Variants in PLEC observed in about 807,000 individuals in gnomAD.
PLEC encodes hemidesmosomal protein 1.
Under a neutral mutation model 392.8 loss-of-function variants are expected in PLEC, and 216 were observed. That is an observed-to-expected ratio of 0.55 (90% confidence interval 0.49 to 0.62). The LOEUF is 0.62. Ranked by LOEUF, PLEC falls within the 20% of genes least tolerant of loss-of-function variation. The pLI is 0.00. For missense variants in PLEC, 6,863 were observed against 6,563.4 expected, an observed-to-expected ratio of 1.05 and a Z score of -1.58; for synonymous variants, 3,621 against 2,980.6, an observed-to-expected ratio of 1.21 and a Z score of -7.00.
At chr8:143,928,668 G>A (rs1273770752) in intron 25 of PLEC, among the ~76,000 whole-genome samples, 2 of 151,956 alleles carry the variant, frequency 1.3e-5, no homozygotes, top group Non-Finnish European at 2.9e-5. Flanking sequence ...AGTAGACAGC[G>A]GGTGGACCTG....
upstream of PLEC, among the ~76,000 whole-genome samples, chr8:143,976,234 C>A (rs1833657689): frequency 6.6e-6 from 1 of 152,196 alleles, no homozygotes; most frequent in Non-Finnish European, 1.5e-5. Context: ...CGCACGCATA[C>A]CCACGCGCGC....
chr8:143,924,838 C>T lies in PLEC; in HGVS notation c.5091G>A (p.Gln1697=), dbSNP rs1554699248. ...GCGCGGTGCCTTCCGCCAGCTGCCG[C>T]TGCTTCTCCAGCTCTTGTTCAGCCA... ...RELAEQELEK[Q]RQLAEGTAQQ... is the part of the protein sequence containing the mutation. The change falls in exon 31 of 32, where the codon CAG becomes CAA. Residue 1697 remains glutamine, a synonymous_variant. Transcript: ENST00000345136. 6.3e-7 allele frequency: 1 copy of T among 1,576,028 alleles called. No homozygotes were observed. The highest frequency in any genetic ancestry group is 8.6e-7 in the Non-Finnish European group (1 of 1,169,104).
Position 143,921,880 on chromosome 8 carries a change from A to G in PLEC, c.7941T>C (p.Asp2647=). The part of the protein sequence containing the change: ...AAEAEPEHSF[D]GLRRKVSAQR... ...GAGCTGACACCTTCCGCCGCAGGCCATCGAAGCTGTGCTCCGGCTCTGCCT... is the reference window on the plus strand; with the variant it reads ...GAGCTGACACCTTCCGCCGCAGGCCGTCGAAGCTGTGCTCCGGCTCTGCCT... Residue 2647 remains aspartate, a synonymous_variant, in exon 32 of 32, where the codon GAT becomes GAC. Coordinates refer to ENST00000345136, the MANE Select transcript of PLEC (RefSeq NM_201384.3). 1 of 1,601,556 alleles carries G rather than the reference A, an allele frequency of 6.2e-7. No individual in the cohort carries two copies. The highest frequency in any genetic ancestry group is 2.2e-5 in the East Asian group (1 of 44,866).
intron 13 of PLEC, 31 bp downstream of exon 13, chr8:143,933,166 T>A: frequency 6.7e-7 from 1 of 1,503,692 alleles, no homozygotes. Flanking sequence ...CGTGTGTACC[T>A]GGGCTTCAGG....
Position 143,935,268 on chromosome 8 carries a change from C to T in PLEC, c.648G>A (p.Leu216=), listed in dbSNP as rs782723982. ...DMNKVYRQTN[L]ENLDQAFSVA... ...CAGAGAAGGCCTGGTCCAGGTTCTC[C>T]AGGTTGGTCTGCCGGTACACCTTGT... The change falls in exon 7 of 32, where the codon CTG becomes CTA. Residue 216 remains leucine (L), a synonymous_variant. Coordinates refer to ENST00000345136, the MANE Select transcript of PLEC (RefSeq NM_201384.3). The T allele has an allele frequency of 1.6e-5, 25 of 1,611,080 alleles. No homozygotes were observed. Among genetic ancestry groups the T allele is most frequent in the Non-Finnish European group, 1.9e-5 (23 of 1,179,958 alleles).
chr8:143,938,538 G>A (rs1193279311), intron 2 of PLEC, 93 bp downstream of exon 2: 22 of 1,543,852 alleles, frequency 1.4e-5, no homozygotes, highest in Non-Finnish European at 1.9e-5. Flanking sequence ...CACACAGGCA[G>A]CATGGGGACA....
chr8:143,946,518 G>A (rs923004991), intron 1 of PLEC: 1 of 605,764 alleles, frequency 1.7e-6, no homozygotes, highest in Non-Finnish European at 2.6e-6. Context: ...CCTCCTCGCA[G>A]CCACCCCTTA....
chr8:143,924,208 C>T lies in PLEC; in HGVS notation c.5721G>A (p.Glu1907=). Residue 1907 remains glutamate (E), a synonymous_variant, in exon 31 of 32, where the codon GAG becomes GAA. Coordinates refer to ENST00000345136, the MANE Select transcript of PLEC (RefSeq NM_201384.3). ...QLRKASDSEL[E]RQKGLVEDTL... ...TGTCCTCCACCAGCCCCTTCTGCCGCTCCAGCTCGCTGTCCGATGCCTTGC... is the reference window on the plus strand; with the variant it reads ...TGTCCTCCACCAGCCCCTTCTGCCGTTCCAGCTCGCTGTCCGATGCCTTGC... The T allele has an allele frequency of 1.3e-6, 2 of 1,598,992 alleles. No homozygotes were observed. Among genetic ancestry groups the T allele is most frequent in the South Asian group, 1.1e-5 (1 of 91,076 alleles).
Position 143,921,060 on chromosome 8 carries a change from T to C in PLEC, c.8761A>G (p.Thr2921Ala), listed in dbSNP as rs1035175845. The C allele has an allele frequency of 6.2e-7, 1 of 1,612,136 alleles. No homozygotes were observed. The highest frequency in any genetic ancestry group is 8.5e-7 in the Non-Finnish European group (1 of 1,180,014). The change falls in exon 32 of 32, where the codon ACG becomes GCG. Residue 2921 changes from threonine (T) to alanine (A), a missense_variant. Transcript: ENST00000345136. ...TTGATGATCTCCCAAATGGTCACCGTCTTGCCCTGGAACTTGCCGAACGGC... is the reference window on the plus strand; with the variant it reads ...TTGATGATCTCCCAAATGGTCACCGCCTTGCCCTGGAACTTGCCGAACGGC... The part of the protein sequence containing the change: ...SAPFGKFQGK[T>A]VTIWEIINSE...
chr8:143,917,687 G>A lies in PLEC; in HGVS notation c.12134C>T (p.Ala4045Val), dbSNP rs782005939. 5 of 1,613,586 alleles carry A rather than the reference G, an allele frequency of 3.1e-6. No homozygotes were observed. The highest frequency in any genetic ancestry group is 2.2e-5 in the East Asian group (1 of 44,876). The stretch of plus-strand genomic sequence containing the variant: ...GATGATGCCGCCCGTGGCGATCTGG[G>A]CCTCCAGCAGGCGGATGCCATGGTC... ...LKDHGIRLLE[A>V]QIATGGIIDP... The change falls in exon 32 of 32, where the codon GCC becomes GTC. Residue 4045 changes from alanine (A) to valine (V), a missense_variant. Physicochemically the swap from Ala to Val is moderately conservative, Grantham distance 64. Transcript: ENST00000345136.
chr8:143,916,587 G>T lies in PLEC; in HGVS notation c.13234C>A (p.Leu4412Met). 1 of 1,611,402 alleles carries T rather than the reference G, an allele frequency of 6.2e-7. No homozygotes were observed. The highest frequency in any genetic ancestry group is 1.1e-5 in the South Asian group (1 of 91,050). ...CGGGCGTCCACCGTGCCGCGCTGCAGGGCCTCGTCCAGGGGCACGCGGCCC... is the reference window on the plus strand; with the variant it reads ...CGGGCGTCCACCGTGCCGCGCTGCATGGCCTCGTCCAGGGGCACGCGGCCC... ...TPGRVPLDEALQRGTVDARTA... is the reference protein window; with the variant it reads ...TPGRVPLDEAMQRGTVDARTA... Residue 4412 changes from leucine (L) to methionine (M), a missense_variant, in exon 32 of 32, where the codon CTG (leucine) becomes ATG (methionine). By Grantham distance (15) the Leu-to-Met change is conservative (BLOSUM62 2). Coordinates refer to ENST00000345136, the MANE Select transcript of PLEC (RefSeq NM_201384.3).
At chr8:143,970,074 C>T (rs1554743709) in intron 1 of PLEC, among the ~76,000 whole-genome samples, 1 of 152,120 alleles carries the variant, frequency 6.6e-6, no homozygotes, top group Admixed American at 6.5e-5. Context: ...CATGTGTCCC[C>T]TACTCTCCCC....
At position 143,920,420 on chromosome 8, in the gene PLEC, A is replaced by G. The variant is rs1822191667; in HGVS notation, c.9401T>C (p.Leu3134Ser). Residue 3134 changes from leucine (L) to serine (S), a missense_variant, in exon 32 of 32, where the codon TTG becomes TCG. Coordinates refer to ENST00000345136, the MANE Select transcript of PLEC (RefSeq NM_201384.3). ...LIPREQGLRL[L>S]DAQLSTGGIV... ...GCCGCCCGTGGACAGCTGGGCGTCC[A>G]ACAGGCGCAGGCCCTGCTCCCGGGG... 1 of 1,595,486 alleles carries G rather than the reference A, an allele frequency of 6.3e-7. No homozygotes were observed. The highest frequency in any genetic ancestry group is 8.5e-7 in the Non-Finnish European group (1 of 1,173,640).
In PLEC at chr8:143,950,590, AT is replaced by A; in HGVS notation, c.116del (p.His39LeufsTer69). 1.2e-6 allele frequency: 2 copies of A among 1,608,044 alleles called. No individual in the cohort carries two copies. Among genetic ancestry groups the A allele is most frequent in the Non-Finnish European group, 1.7e-6 (2 of 1,178,416 alleles). The stretch of plus-strand genomic sequence containing the variant: ...CCTGCAGGTTGGTGACGCCGGGCAC[AT>A]GGGGGTGCAAGCTGCGGGGCCGCCG... On this transcript the variant is annotated frameshift_variant, in exon 1 of 32. Transcript: ENST00000322810. LOFTEE classifies it high-confidence loss of function.
chr8:143,952,213 C>CAT (rs1554737401), upstream of PLEC, among the ~76,000 whole-genome samples: 12 of 84,266 alleles, frequency 1.4e-4, no homozygotes, highest in African/African-American at 5.1e-4. Context: ...CACACACGCG[C>CAT]GCACACACGC....
In PLEC at chr8:143,939,582, C is replaced by A. The variant is rs1445407229; in HGVS notation, c.-121G>T. 6.6e-7 allele frequency: 1 copy of A among 1,516,034 alleles called. No homozygotes were observed. Among genetic ancestry groups the A allele is most frequent in the East Asian group, 2.5e-5 (1 of 40,400 alleles). 93.9% of individuals were successfully genotyped at this position (1,516,034 alleles called of 1,614,324 possible). On this transcript the variant is annotated 5_prime_UTR_variant, in exon 1 of 32. Coordinates refer to ENST00000345136, the MANE Select transcript of PLEC (RefSeq NM_201384.3). Reference sequence around the variant, plus strand: ...CCACGAGACGCTCACTCGGCACAGGCTCAGCTCAGAGCCCCAGTCGGTGCG... The same window carrying A: ...CCACGAGACGCTCACTCGGCACAGGATCAGCTCAGAGCCCCAGTCGGTGCG...
At position 143,924,745 on chromosome 8, in the gene PLEC, C is replaced by A. The variant is rs782764452; in HGVS notation, c.5184G>T (p.Gln1728His). 1.3e-6 allele frequency: 2 copies of A among 1,534,994 alleles called. No individual in the cohort carries two copies. The highest frequency in any genetic ancestry group is 2.4e-5 in the South Asian group (2 of 84,076). The change falls in exon 31 of 32, where the codon CAG becomes CAT. Residue 1728 changes from glutamine (Q) to histidine (H), a missense_variant. Transcript: ENST00000345136. ...CCAGCTCCTCCTCCAGCAGCTGCCG[C>A]TGCTGCTCCCCCTGCTCCGTCTCGG... ...LRAETEQGEQQRQLLEEELAR... is the reference protein window; with the variant it reads ...LRAETEQGEQHRQLLEEELAR...
Position 143,935,113 on chromosome 8 carries a change from C to T in PLEC, c.723G>A (p.Val241=). 6.2e-7 allele frequency: 1 copy of T among 1,613,008 alleles called. No homozygotes were observed. Among genetic ancestry groups the T allele is most frequent in the Non-Finnish European group, 8.5e-7 (1 of 1,179,946 alleles). The part of the protein sequence containing the change: ...GVTRLLDPED[V]DVPQPDEKSI... ...ACTTCTCGTCGGGCTGAGGGACATC[C>T]ACGTCTGCAGGGAAGGGCAGCTCAG... Residue 241 remains valine (V), a synonymous_variant, in exon 8 of 32, where the codon GTG becomes GTA. Coordinates refer to ENST00000345136, the MANE Select transcript of PLEC (RefSeq NM_201384.3).
Position 143,930,288 on chromosome 8 carries a change from T to C in PLEC, c.2468A>G (p.His823Arg). 2 of 1,603,122 alleles carry C rather than the reference T, an allele frequency of 1.2e-6. No individual in the cohort carries two copies. Residue 823 changes from histidine to arginine, a missense_variant, in exon 21 of 32, where the codon CAC (histidine) becomes CGC (arginine). Coordinates refer to ENST00000345136, the MANE Select transcript of PLEC (RefSeq NM_201384.3). Reference sequence around the variant, plus strand: ...CACCAGCTGGCACTCGTCACCCTTGTGCACAGTCACCTGGGACGGGCAGAG... The same window carrying C: ...CACCAGCTGGCACTCGTCACCCTTGCGCACAGTCACCTGGGACGGGCAGAG... ...CDYKQVEVTV[H>R]KGDECQLVGP... is the part of the protein sequence containing the mutation.
Sources: gnomAD v4.1 joint callset for allele counts (sites outside exome capture counted in the v4.1 genomes callset) on GRCh38, gnomAD v4.1.1 for gene constraint, MANE v1.5 for transcripts, NCBI Gene and HGNC (gene_info 2026-07-23, HGNC 2026-07-21) for gene names.